The following CDH4 variants were observed in gnomAD, a reference collection of about 807,000 sequenced individuals.
The protein encoded by CDH4 is cadherin 4, also known as cadherin-4.
In CDH4, 33 loss-of-function variants were observed where a neutral mutation model predicts 86.0. The observed-to-expected ratio is 0.38, with a 90% CI of 0.29 to 0.51. The LOEUF (loss-of-function observed/expected upper bound fraction) is 0.51. Among genes scored for constraint, CDH4 ranks in the 20% least tolerant of loss-of-function variants. The pLI is 0.86. For missense variants in CDH4, 1,114 were observed against 1,307.4 expected, an observed-to-expected ratio of 0.85 and a Z score of 2.28; for synonymous variants, 555 against 549.4, an observed-to-expected ratio of 1.01 and a Z score of -0.14.
At chr20:61,474,708 T>C (rs2085524956) in intron 2 of CDH4, among the ~76,000 whole-genome samples, 1 of 152,090 alleles carries the variant, frequency 6.6e-6, no homozygotes, top group Admixed American at 6.5e-5. Flanking sequence ...ACATTCTTTT[T>C]TTTAAAAAAA....
intron 2 of CDH4, chr20:61,718,766 C>G (rs780850189): frequency 2.1e-6 from 1 of 470,524 alleles, no homozygotes; most frequent in Non-Finnish European, 4.4e-6. Context: ...CCACCCTACA[C>G]CCCTGCACAC....
At chr20:61,864,192 A>C (rs1000663013) in intron 6 of CDH4, among the ~76,000 whole-genome samples, 9 of 152,046 alleles carry the variant, frequency 5.9e-5, no homozygotes, top group African/African-American at 2.2e-4. Flanking sequence ...CGGTGCCCCA[A>C]CCCCAGGAGC....
chr20:61,565,252 T>TGGTGATGG lies in CDH4; in HGVS notation c.170-178310_170-178303dup, dbSNP rs1449455233. Among the ~76,000 whole-genome samples, 33 of 77,246 alleles carry TGGTGATGG rather than the reference T, an allele frequency of 4.3e-4. 8 individuals carry two copies. Among genetic ancestry groups the TGGTGATGG allele is most frequent in the Non-Finnish European group, 6.5e-4 (23 of 35,654 alleles). The allele number at this position is 77,246 out of a possible 152,430, so 50.7% of individuals were successfully genotyped here. ...GTGGTGGTGGTGGTGGCGGTGCTCT[T>TGGTGATGG]GGTGATGGTGGTGGTGGTCCTCTTG... On this transcript the variant is annotated intron_variant, in intron 2 of 15. Transcript: ENST00000614565.
At chr20:61,757,730 G>A (rs1225008004) in intron 3 of CDH4, among the ~76,000 whole-genome samples, 1 of 152,230 alleles carries the variant, frequency 6.6e-6, no homozygotes, top group Non-Finnish European at 1.5e-5. Flanking sequence ...CTGCCATGTG[G>A]AGGGTGTCAG....
At chr20:61,512,218 C>A (rs926075574) in intron 2 of CDH4, among the ~76,000 whole-genome samples, 9 of 152,124 alleles carry the variant, frequency 5.9e-5, no homozygotes, top group African/African-American at 2.2e-4. Flanking sequence ...CTAATCAAGG[C>A]TGTGTGGGCA....
At chr20:61,472,649 C>T (rs770908938) in intron 2 of CDH4, among the ~76,000 whole-genome samples, 2 of 152,182 alleles carry the variant, frequency 1.3e-5, no homozygotes, top group Non-Finnish European at 2.9e-5. Flanking sequence ...AAATTGTCTA[C>T]CTCACAGCTT....
intron 2 of CDH4, among the ~76,000 whole-genome samples, chr20:61,531,201 G>C (rs1468964234): frequency 1.3e-5 from 2 of 152,182 alleles, no homozygotes; most frequent in African/African-American, 4.8e-5. Context: ...GCCAGGCATA[G>C]TGGCTCATGC....
At chr20:61,888,380 G>A (rs1427844857) in intron 7 of CDH4, among the ~76,000 whole-genome samples, 1 of 152,228 alleles carries the variant, frequency 6.6e-6, no homozygotes, top group East Asian at 1.9e-4. Flanking sequence ...TCCAGCCGCT[G>A]CAAGGGAGGG....
chr20:61,444,112 G>A (rs961221249), intron 2 of CDH4, among the ~76,000 whole-genome samples: 3 of 151,230 alleles, frequency 2.0e-5, no homozygotes, highest in Admixed American at 6.6e-5. Flanking sequence ...GTGTGATTGT[G>A]TGTATCTCTA....
At chr20:61,287,312 C>T (rs1273774836) in intron 2 of CDH4, among the ~76,000 whole-genome samples, 2 of 152,046 alleles carry the variant, frequency 1.3e-5, no homozygotes, top group African/African-American at 4.8e-5. Flanking sequence ...CTGGTCTCTA[C>T]ACTAATATAA....
chr20:61,426,189 T>G (rs2085214371), intron 2 of CDH4, among the ~76,000 whole-genome samples: 1 of 152,212 alleles, frequency 6.6e-6, no homozygotes, highest in Non-Finnish European at 1.5e-5. Context: ...GTTGTTTTGT[T>G]TCTTTTTCAT....
intron 2 of CDH4, among the ~76,000 whole-genome samples, chr20:61,266,867 G>T (rs1016183360): frequency 5.3e-5 from 8 of 152,140 alleles, no homozygotes; most frequent in Non-Finnish European, 1.0e-4. Flanking sequence ...TTTGGAGAAA[G>T]GGTCTTTGCA....
chr20:61,840,675 C>A (rs1288619134), intron 4 of CDH4, among the ~76,000 whole-genome samples: 2 of 152,248 alleles, frequency 1.3e-5, no homozygotes, highest in Non-Finnish European at 2.9e-5. Context: ...TATTCACGGC[C>A]CATCGTGGGC....
At chr20:61,680,216 C>A (rs2087495620) in intron 2 of CDH4, among the ~76,000 whole-genome samples, 2 of 152,254 alleles carry the variant, frequency 1.3e-5, no homozygotes, top group South Asian at 4.1e-4. Context: ...CTGTCCTCCA[C>A]AGGAGCCCTG....
At chr20:61,768,393 C>T (rs1483191759) in intron 3 of CDH4, among the ~76,000 whole-genome samples, 2 of 152,130 alleles carry the variant, frequency 1.3e-5, no homozygotes, top group African/African-American at 2.4e-5. Context: ...TACATGTGTG[C>T]ATAGCGCCTG....
At chr20:61,456,458 G>T (rs2145553156) in intron 2 of CDH4, among the ~76,000 whole-genome samples, 1 of 152,336 alleles carries the variant, frequency 6.6e-6, no homozygotes. Flanking sequence ...AGGGGAGTGT[G>T]AACTGGCATC....
intron 2 of CDH4, among the ~76,000 whole-genome samples, chr20:61,647,728 G>A (rs1487084494): frequency 1.3e-5 from 2 of 152,090 alleles, no homozygotes; most frequent in Non-Finnish European, 2.9e-5. Flanking sequence ...TGTCTGTGGG[G>A]TGCTTGCTCT....
rs2085834791 is a variant in CDH4, at chr20:61,517,938, C to T, written c.170-225625C>T. ...CAAATGCACAGACACAGCCAGACAG[C>T]TTCTGGGGCTGATTGCCCCTGGATG... On this transcript the variant is annotated intron_variant, in intron 2 of 15. Transcript: ENST00000614565. This position sits in a 1 kb window ranked among gnomAD's most constrained non-coding sequence, Gnocchi z 6.6. Among the ~76,000 whole-genome samples the T allele has an allele frequency of 6.6e-6, 1 of 152,180 alleles. No homozygotes were observed. Among genetic ancestry groups the T allele is most frequent in the African/African-American group, 2.4e-5 (1 of 41,450 alleles).
At position 61,709,148 on chromosome 20, in the gene CDH4, C is replaced by T. The variant is rs1302083674; in HGVS notation, c.170-34415C>T. 6.6e-6 allele frequency among the ~76,000 whole-genome samples: 1 copy of T among 152,224 alleles called. No individual in the cohort carries two copies. The highest frequency in any genetic ancestry group is 1.5e-5 in the Non-Finnish European group (1 of 68,042). ...AGCGGCCGCCCAAATGATGAGCCCA[C>T]AACGCACCTGCCCCTCTCTCCAGGG... On this transcript the variant is annotated intron_variant, in intron 2 of 15. Coordinates refer to ENST00000614565, the MANE Select transcript of CDH4 (RefSeq NM_001794.5). The surrounding 1 kb of genome is among the most constrained non-coding windows in gnomAD (Gnocchi z 4.8).
Sources: gnomAD v4.1 joint callset for allele counts (sites outside exome capture counted in the v4.1 genomes callset) on GRCh38, gnomAD v4.1.1 for gene constraint, Gnocchi (gnomAD v3.1) non-coding constraint, MANE v1.5 for transcripts, NCBI Gene and HGNC (gene_info 2026-07-23, HGNC 2026-07-21) for gene names.